The following CILK1 variants were observed in gnomAD, a reference collection of about 807,000 sequenced individuals.
The protein encoded by CILK1 is ciliogenesis associated kinase 1, also known as serine/threonine-protein kinase ICK.
In CILK1, 47 loss-of-function variants were observed where a neutral mutation model predicts 79.2. That is an observed-to-expected ratio of 0.59 (90% CI 0.47 to 0.76). CILK1 has a LOEUF of 0.76. Ranked by LOEUF, CILK1 falls within the 30% of genes least tolerant of loss-of-function variation. The pLI is 0.00. For synonymous variants in CILK1, 266 were observed against 275.9 expected, an observed-to-expected ratio of 0.96 and a Z score of 0.36; for missense variants, 660 against 769.5, an observed-to-expected ratio of 0.86 and a Z score of 1.68.
At chr6:53,017,694 G>C (rs537569837) in intron 7 of CILK1, among the ~76,000 whole-genome samples, 86 of 152,254 alleles carry the variant, frequency 5.6e-4, no homozygotes, top group African/African-American at 1.9e-3. Flanking sequence ...GGGTGACTGT[G>C]GTCCAGTCTG....
intron 5 of CILK1, among the ~76,000 whole-genome samples, chr6:53,025,734 T>C (rs1765527577): frequency 1.3e-5 from 2 of 152,248 alleles, no homozygotes; most frequent in South Asian, 4.1e-4. Flanking sequence ...ATATGCTGTA[T>C]TTGTTATATT....
At chr6:53,052,811 T>C (rs1029628412) in intron 1 of CILK1, among the ~76,000 whole-genome samples, 12 of 151,860 alleles carry the variant, frequency 7.9e-5, no homozygotes, top group Non-Finnish European at 1.6e-4. Context: ...ACACTGAAGG[T>C]CTAACCACCT....
chr6:53,014,241 A>G (rs1764763340), intron 8 of CILK1, among the ~76,000 whole-genome samples: 2 of 152,208 alleles, frequency 1.3e-5, no homozygotes, highest in Non-Finnish European at 2.9e-5. Flanking sequence ...TCTAAAAAGC[A>G]TTCTGGATCA....
chr6:53,034,643 C>G (rs1334433362), intron 3 of CILK1, among the ~76,000 whole-genome samples: 1 of 152,184 alleles, frequency 6.6e-6, no homozygotes. Context: ...CAACAATGTA[C>G]TGGGCCCCCA....
intron 9 of CILK1, among the ~76,000 whole-genome samples, chr6:53,012,664 T>A (rs1025051702): frequency 1.3e-5 from 2 of 152,180 alleles, no homozygotes; most frequent in Non-Finnish European, 2.9e-5. Context: ...AGTTACTATC[T>A]CTTAGCTATA....
At chr6:53,024,770 G>T (rs1205666407) in intron 5 of CILK1, among the ~76,000 whole-genome samples, 1 of 151,286 alleles carries the variant, frequency 6.6e-6, no homozygotes, top group Non-Finnish European at 1.5e-5. Context: ...ATTCCACCAA[G>T]AAATGTGTCA....
chr6:53,050,411 T>A (rs984533197), intron 1 of CILK1, among the ~76,000 whole-genome samples: 1 of 151,804 alleles, frequency 6.6e-6, no homozygotes, highest in Non-Finnish European at 1.5e-5. Flanking sequence ...GTTGTGAGGT[T>A]TACTTGCATT....
In CILK1 at chr6:53,012,177, A is replaced by G. The variant is rs368418675; in HGVS notation, c.1203T>C (p.Ser401=). The G allele has an allele frequency of 1.2e-6, 2 of 1,613,124 alleles. No individual in the cohort carries two copies. Among genetic ancestry groups the G allele is most frequent in the African/African-American group, 1.3e-5 (1 of 74,540 alleles). Residue 401 remains serine (S), a synonymous_variant, in exon 10 of 14, where the codon AGT becomes AGC. Coordinates refer to ENST00000676107, the MANE Select transcript of CILK1 (RefSeq NM_014920.5). ...EHKNGEIKPK[S]RRRWGLISRS... ...TGGAAATAAGACCCCACCTTCTCCT[A>G]CTCTTTGGCTTTATCTCACCATTTT...
At chr6:53,037,906 C>T in intron 3 of CILK1, 33 bp downstream of exon 3, 1 of 1,218,144 alleles carries the variant, frequency 8.2e-7, no homozygotes, top group Non-Finnish European at 1.2e-6. Flanking sequence ...TTTTAATCAT[C>T]CATAAATTAT....
chr6:53,055,209 G>A (rs956765696), intron 1 of CILK1, among the ~76,000 whole-genome samples: 2 of 152,140 alleles, frequency 1.3e-5, no homozygotes, highest in East Asian at 3.8e-4. Context: ...CCCTTCTCAT[G>A]GTAATTCTGA....
At chr6:53,058,481 T>C (rs967970237) in intron 1 of CILK1, among the ~76,000 whole-genome samples, 1 of 152,126 alleles carries the variant, frequency 6.6e-6, no homozygotes, top group Non-Finnish European at 1.5e-5. Flanking sequence ...ATTTCAAAGG[T>C]AAGCACAACC....
At chr6:53,030,287 G>T (rs988106466) in intron 5 of CILK1, among the ~76,000 whole-genome samples, 1 of 152,134 alleles carries the variant, frequency 6.6e-6, no homozygotes, top group African/African-American at 2.4e-5. Flanking sequence ...ACAAAAAACT[G>T]CCCTCTAAAA....
At chr6:53,021,796 TA>T (rs550651378) in intron 5 of CILK1, among the ~76,000 whole-genome samples, 203 of 136,208 alleles carry the variant, frequency 1.5e-3, no homozygotes, top group East Asian at 2.3e-3. Context: ...TTCTACTTAC[TA>T]AAAAAAAAAA....
intron 5 of CILK1, 134 bp from the exon 6 acceptor site, chr6:53,019,493 C>T (rs1765089668): frequency 1.1e-6 from 1 of 874,900 alleles, no homozygotes; most frequent in Non-Finnish European, 1.8e-6. Context: ...TTTATGCATT[C>T]ATCCCACAGA....
chr6:53,029,838 T>C (rs577224204), intron 5 of CILK1, among the ~76,000 whole-genome samples: 1 of 152,344 alleles, frequency 6.6e-6, no homozygotes, highest in Admixed American at 6.5e-5. Flanking sequence ...ACAACATCCT[T>C]GGACTGAGAG....
At chr6:53,042,459 C>T (rs1008568065) in intron 1 of CILK1, among the ~76,000 whole-genome samples, 2 of 152,172 alleles carry the variant, frequency 1.3e-5, no homozygotes, top group Non-Finnish European at 2.9e-5. Flanking sequence ...TCTCCTGATG[C>T]AGAACTTAAG....
chr6:53,037,788 T>A, intron 3 of CILK1, 151 bp downstream of exon 3: 1 of 616,252 alleles, frequency 1.6e-6, no homozygotes, highest in South Asian at 2.0e-5. Flanking sequence ...TATACCATAA[T>A]CTTCTGCTTC....
intron 7 of CILK1, 36 bp downstream of exon 7, chr6:53,018,294 G>A: frequency 6.2e-7 from 1 of 1,602,218 alleles, no homozygotes; most frequent in East Asian, 2.2e-5. Flanking sequence ...GGAAGCTGTT[G>A]GCTTTGGCCC....
intron 3 of CILK1, among the ~76,000 whole-genome samples, chr6:53,035,021 T>C (rs1766219827): frequency 6.6e-6 from 1 of 152,160 alleles, no homozygotes; most frequent in Non-Finnish European, 1.5e-5. Context: ...GGGAGACTCA[T>C]CTGTAAGACT....
Sources: allele counts gnomAD v4.1 joint callset (sites outside exome capture counted in the v4.1 genomes callset), GRCh38; gene constraint gnomAD v4.1.1; transcripts MANE v1.5; gene names NCBI Gene and HGNC (gene_info 2026-07-23, HGNC 2026-07-21).